The following TMEM266 variants were observed in gnomAD, a reference collection of about 807,000 sequenced individuals.
TMEM266 encodes the protein transmembrane protein 266, also known as Hv1 related protein 1.
A neutral mutation model predicts 50.5 loss-of-function variants in TMEM266; 33 were observed. That is an observed-to-expected ratio of 0.65 (90% CI 0.50 to 0.87). TMEM266 has a LOEUF of 0.87. Among genes scored for constraint, TMEM266 ranks in the 40% least tolerant of loss-of-function variants. The probability of loss-of-function intolerance (pLI) is 0.00; values close to 1 mark genes in which losing one functional copy is unlikely to be tolerated. For synonymous variants in TMEM266, 310 were observed against 292.3 expected, an observed-to-expected ratio of 1.06 and a Z score of -0.62; for missense variants, 655 against 695.1, an observed-to-expected ratio of 0.94 and a Z score of 0.65.
intron 1 of TMEM266, among the ~76,000 whole-genome samples, chr15:76,084,530 T>C (rs2036742261): frequency 6.6e-6 from 1 of 151,984 alleles, no homozygotes; most frequent in South Asian, 2.1e-4. Flanking sequence ...ACACAGGTCA[T>C]GAAGGGCCTT....
chr15:76,197,533 C>A (rs1263764226), intron 9 of TMEM266, among the ~76,000 whole-genome samples: 1 of 152,210 alleles, frequency 6.6e-6, no homozygotes, highest in African/African-American at 2.4e-5. Flanking sequence ...TTAGTGTTTT[C>A]AAAATGAAAC....
At chr15:76,189,342 AAAG>A (rs894461603) in intron 8 of TMEM266, among the ~76,000 whole-genome samples, 7 of 145,004 alleles carry the variant, frequency 4.8e-5, no homozygotes, top group Non-Finnish European at 8.9e-5. Flanking sequence ...GGGAGCAGAG[AAAG>A]AAGGAGGGGA....
chr15:76,156,783 G>C (rs1479916899), intron 4 of TMEM266, 25 bp downstream of exon 4: 1 of 1,607,726 alleles, frequency 6.2e-7, no homozygotes, highest in Non-Finnish European at 8.5e-7. Flanking sequence ...AGATACATAT[G>C]CCAATACATA....
chr15:76,190,159 G>T (rs756756513), intron 8 of TMEM266, among the ~76,000 whole-genome samples: 1 of 152,226 alleles, frequency 6.6e-6, no homozygotes, highest in Non-Finnish European at 1.5e-5. Context: ...GTGCCTGGGG[G>T]GCTGCCCTAG....
chr15:76,124,866 C>T (rs1596119624), intron 1 of TMEM266, among the ~76,000 whole-genome samples: 1 of 151,722 alleles, frequency 6.6e-6, no homozygotes, highest in East Asian at 1.9e-4. Flanking sequence ...TATGGAACCA[C>T]AAAAGACCCC....
At chr15:76,072,410 C>T (rs1793338921) in intron 1 of TMEM266, among the ~76,000 whole-genome samples, 1 of 148,320 alleles carries the variant, frequency 6.7e-6, no homozygotes, top group African/African-American at 2.5e-5. Flanking sequence ...TGCACTGCAG[C>T]CTGGGCAACA....
chr15:76,175,869 G>A, intron 8 of TMEM266, 195 bp downstream of exon 8: 1 of 523,448 alleles, frequency 1.9e-6, no homozygotes. Flanking sequence ...GCCCAGCCAG[G>A]CATGGACTCA....
chr15:76,160,992 G>A lies in TMEM266; in HGVS notation c.456+824G>A, dbSNP rs1368676628. On this transcript the variant is annotated intron_variant, in intron 5 of 10. Coordinates refer to ENST00000388942, the MANE Select transcript of TMEM266 (RefSeq NM_152335.3). This position sits in a 1 kb window ranked among gnomAD's most constrained non-coding sequence, Gnocchi z 5.7. ...CTGCATCTGGGTGTGGGAGGAATTGGCTTGGTCCTGCTGCAGGCAGGGTTT... is the reference window on the plus strand; with the variant it reads ...CTGCATCTGGGTGTGGGAGGAATTGACTTGGTCCTGCTGCAGGCAGGGTTT... 2.0e-5 allele frequency among the ~76,000 whole-genome samples: 3 copies of A among 152,190 alleles called. No individual in the cohort carries two copies. The highest frequency in any genetic ancestry group is 4.4e-5 in the Non-Finnish European group (3 of 68,030).
intron 1 of TMEM266, among the ~76,000 whole-genome samples, chr15:76,071,026 G>T (rs546861746): frequency 1.3e-5 from 2 of 152,312 alleles, no homozygotes; most frequent in South Asian, 4.1e-4. Context: ...TCCCGGGGAA[G>T]AAGCAACTTT....
intron 9 of TMEM266, 115 bp from the exon 10 acceptor site, chr15:76,202,087 C>G: frequency 1.1e-6 from 1 of 889,024 alleles, no homozygotes; most frequent in Non-Finnish European, 1.7e-6. Flanking sequence ...TCACACACAC[C>G]AAGGGCTTCT....
intron 1 of TMEM266, among the ~76,000 whole-genome samples, chr15:76,099,878 A>G (rs1000752726): frequency 1.3e-4 from 20 of 152,200 alleles, no homozygotes; most frequent in African/African-American, 4.8e-4. Flanking sequence ...GGCAAAGAGG[A>G]AGCAAGCACA....
intron 1 of TMEM266, among the ~76,000 whole-genome samples, chr15:76,132,813 A>T (rs949614398): frequency 2.2e-5 from 3 of 135,024 alleles, no homozygotes; most frequent in East Asian, 2.2e-4. Context: ...TAATAATAGT[A>T]ATTATTATTA....
intron 1 of TMEM266, among the ~76,000 whole-genome samples, chr15:76,132,267 C>A (rs1408788211): frequency 6.6e-6 from 1 of 151,804 alleles, no homozygotes; most frequent in African/African-American, 2.4e-5. Context: ...TGCCCCCATG[C>A]CTGGCTAATA....
At chr15:76,078,884 C>G (rs527519883) in intron 1 of TMEM266, among the ~76,000 whole-genome samples, 97 of 152,360 alleles carry the variant, frequency 6.4e-4, no homozygotes, top group African/African-American at 2.1e-3. Context: ...ACACTCCCTG[C>G]ATAGGCTCTG....
rs1213573496 is a variant in TMEM266 at position 76,156,628 on chromosome 15, T to C, written c.252T>C (p.Cys84=). The change falls in exon 4 of 11, where the codon TGT becomes TGC. Residue 84 remains cysteine, a synonymous_variant. Coordinates refer to ENST00000388942, the MANE Select transcript of TMEM266 (RefSeq NM_152335.3). The stretch of plus-strand genomic sequence containing the variant: ...GGTCTAACTGGCTGAAGCCGTGCTG[T>C]GGGAAGAGAGCAGCCGTGTGGCAGG... 1 of 1,613,990 alleles carries C rather than the reference T, an allele frequency of 6.2e-7. No homozygotes were observed. The highest frequency in any genetic ancestry group is 8.5e-7 in the Non-Finnish European group (1 of 1,180,028).
intron 1 of TMEM266, among the ~76,000 whole-genome samples, chr15:76,132,399 G>A (rs180792753): frequency 1.8e-3 from 268 of 152,020 alleles, no homozygotes; most frequent in African/African-American, 6.1e-3. Flanking sequence ...GTGAACCACC[G>A]CGCCTGGCCT....
chr15:76,071,020 G>T (rs528764110), intron 1 of TMEM266, among the ~76,000 whole-genome samples: 2 of 152,148 alleles, frequency 1.3e-5, no homozygotes, highest in Non-Finnish European at 2.9e-5. Context: ...GGTTTGTCCC[G>T]GGGAAGAAGC....
At position 76,164,849 on chromosome 15, in the gene TMEM266, G is replaced by T. The variant is rs894667258; in HGVS notation, c.456+4681G>T. On this transcript the variant is annotated intron_variant, in intron 5 of 10. Coordinates refer to ENST00000388942, the MANE Select transcript of TMEM266 (RefSeq NM_152335.3). ...GCTGCTCCCTTCTCCCTGGCTGGCGGGCCCCACATGGGGATGGCTCTGCAG... is the reference window on the plus strand; with the variant it reads ...GCTGCTCCCTTCTCCCTGGCTGGCGTGCCCCACATGGGGATGGCTCTGCAG... Among the ~76,000 whole-genome samples the T allele has an allele frequency of 3.3e-5, 5 of 152,278 alleles. No homozygotes were observed. The East Asian group carries it at 7.8e-4, about 24-fold the overall frequency.
Position 76,171,143 on chromosome 15 carries a change from G to A in TMEM266, c.652+12G>A, listed in dbSNP as rs531624434. 1.1e-5 allele frequency: 18 copies of A among 1,612,896 alleles called. No individual in the cohort carries two copies. Among genetic ancestry groups the A allele is most frequent in the East Asian group, 6.7e-5 (3 of 44,832 alleles). ...GAGGGTCATTGATGGTGAGTGGCCC[G>A]AGGGGGGTGTGGTCAGTGGGGCTGC... On this transcript the variant is annotated intron_variant, in intron 7 of 10. Coordinates refer to ENST00000388942, the MANE Select transcript of TMEM266 (RefSeq NM_152335.3).
Sources: gnomAD v4.1 joint callset for allele counts (sites outside exome capture counted in the v4.1 genomes callset) on GRCh38, gnomAD v4.1.1 for gene constraint, Gnocchi (gnomAD v3.1) non-coding constraint, MANE v1.5 for transcripts, NCBI Gene and HGNC (gene_info 2026-07-23, HGNC 2026-07-21) for gene names.